The following DPP10 variants were observed in gnomAD, a reference collection of about 807,000 sequenced individuals.
DPP10 encodes the protein inactive dipeptidyl peptidase 10.
DPP10 carries 33 observed loss-of-function variants against 120.9 expected under a neutral mutation model. The ratio of observed to expected loss-of-function variants is 0.27; its 90% CI spans 0.21 to 0.37. The LOEUF is 0.37. Among genes scored for constraint, DPP10 ranks in the 10% least tolerant of loss-of-function variants. The pLI is 1.00. For synonymous variants in DPP10, 337 were observed against 326.1 expected, an observed-to-expected ratio of 1.03 and a Z score of -0.36; for missense variants, 816 against 942.8, an observed-to-expected ratio of 0.87 and a Z score of 1.76.
chr2:115,366,661 G>A (rs544110056), intron 3 of DPP10, among the ~76,000 whole-genome samples: 1 of 152,022 alleles, frequency 6.6e-6, no homozygotes, highest in Non-Finnish European at 1.5e-5. Flanking sequence ...TTGAAGGAAG[G>A]TCTGTCTATC....
chr2:114,844,516 A>G (rs928651407), intron 1 of DPP10, among the ~76,000 whole-genome samples: 1 of 151,862 alleles, frequency 6.6e-6, no homozygotes, highest in Non-Finnish European at 1.5e-5. Flanking sequence ...ATTTGTATAT[A>G]TTTGCATAAT....
intron 1 of DPP10, among the ~76,000 whole-genome samples, chr2:114,567,949 G>T (rs564654814): frequency 6.6e-6 from 1 of 150,538 alleles, no homozygotes; most frequent in African/African-American, 2.4e-5. Context: ...GATCGGTGCA[G>T]CAAACCACTA....
intron 3 of DPP10, among the ~76,000 whole-genome samples, chr2:115,459,160 A>ATT (rs749048365): frequency 2.8e-5 from 4 of 141,150 alleles, no homozygotes; most frequent in Non-Finnish European, 4.7e-5. Context: ...TGTGAGTTTG[A>ATT]TTTTTTTTTT....
chr2:114,516,803 T>C (rs1462412211), intron 1 of DPP10, among the ~76,000 whole-genome samples: 2 of 152,244 alleles, frequency 1.3e-5, no homozygotes, highest in African/African-American at 4.8e-5. Context: ...GACAATACAC[T>C]GTTGGGCTTT....
intron 5 of DPP10, among the ~76,000 whole-genome samples, chr2:115,661,035 C>T (rs551809038): frequency 2.2e-4 from 34 of 152,150 alleles, no homozygotes; most frequent in Admixed American, 1.7e-3. Flanking sequence ...ACTGCAAACT[C>T]TGCCTCCTGG....
chr2:114,631,203 C>T (rs893555553), intron 1 of DPP10, among the ~76,000 whole-genome samples: 4 of 152,080 alleles, frequency 2.6e-5, no homozygotes, highest in Admixed American at 6.6e-5. Context: ...TGAATGCCTA[C>T]GGCTGCTGAG....
Position 115,781,008 on chromosome 2 carries a change from A to G in DPP10, c.1483+13A>G. ...TTATTCTGTGAAGGTAAGATAATAC[A>G]TGAATTCTGATATAATATATTTTAT... On this transcript the variant is annotated intron_variant, in intron 16 of 25. Coordinates refer to ENST00000410059, the MANE Select transcript of DPP10 (RefSeq NM_020868.6). The G allele has an allele frequency of 6.4e-7, 1 of 1,554,684 alleles. No homozygotes were observed. Among genetic ancestry groups the G allele is most frequent in the South Asian group, 1.2e-5 (1 of 84,272 alleles).
intron 1 of DPP10, among the ~76,000 whole-genome samples, chr2:114,681,384 A>G (rs189741282): frequency 2.0e-5 from 3 of 151,980 alleles, no homozygotes; most frequent in African/African-American, 7.2e-5. Flanking sequence ...TCTTGTGAAC[A>G]TGATAAAGTT....
intron 1 of DPP10, among the ~76,000 whole-genome samples, chr2:114,682,883 C>G (rs13425488): frequency 0.13 from 19,667 of 151,718 alleles, 1,684 homozygotes; most frequent in African/African-American, 0.24. Flanking sequence ...GGAGTGCTGA[C>G]GTGCTGAGAG....
At chr2:115,132,524 A>T (rs1448116626) in intron 1 of DPP10, among the ~76,000 whole-genome samples, 2 of 152,038 alleles carry the variant, frequency 1.3e-5, no homozygotes, top group Non-Finnish European at 2.9e-5. Context: ...CTGTCATGTG[A>T]TGTTATACTA....
chr2:115,346,975 A>G (rs1209683170), intron 3 of DPP10, among the ~76,000 whole-genome samples: 2 of 152,160 alleles, frequency 1.3e-5, no homozygotes, highest in Non-Finnish European at 2.9e-5. Flanking sequence ...TCTCATTTTA[A>G]CAGACCTCAT....
At chr2:114,750,823 A>AT (rs1679149426) in intron 1 of DPP10, among the ~76,000 whole-genome samples, 1 of 152,210 alleles carries the variant, frequency 6.6e-6, no homozygotes, top group Non-Finnish European at 1.5e-5. Context: ...CTCACAAAGC[A>AT]TTTTATCCCC....
chr2:115,188,653 C>T (rs2054642897), intron 1 of DPP10, among the ~76,000 whole-genome samples: 1 of 152,102 alleles, frequency 6.6e-6, no homozygotes, highest in Admixed American at 6.6e-5. Flanking sequence ...CATTTATCAC[C>T]TTGAGATTGG....
intron 1 of DPP10, among the ~76,000 whole-genome samples, chr2:114,743,782 T>G (rs532584191): frequency 6.6e-6 from 1 of 152,240 alleles, no homozygotes; most frequent in Admixed American, 6.5e-5. Flanking sequence ...AGAAGTTTCA[T>G]AGAGCCACAT....
intron 1 of DPP10, among the ~76,000 whole-genome samples, chr2:114,909,787 T>G (rs192146069): frequency 1.3e-5 from 2 of 152,126 alleles, no homozygotes; most frequent in African/African-American, 2.4e-5. Context: ...CAAACACAAA[T>G]CTTCTTTATA....
intron 1 of DPP10, among the ~76,000 whole-genome samples, chr2:115,052,877 GGGAGGC>G (rs1559038282): frequency 6.6e-6 from 1 of 151,704 alleles, no homozygotes; most frequent in African/African-American, 2.4e-5. Context: ...ACTTGAACCT[GGGAGGC>G]GGAGGTTGCA....
Position 114,951,832 on chromosome 2 carries a change from G to A in DPP10, c.61-357407G>A, listed in dbSNP as rs72832492. 5.2e-3 allele frequency among the ~76,000 whole-genome samples: 786 copies of A among 151,842 alleles called. 2 individuals carry two copies. Among genetic ancestry groups the A allele is most frequent in the Non-Finnish European group, 8.1e-3 (552 of 67,880 alleles). ...CCTCTACCTATTCTGTCTACCTATT[G>A]ACAACAAAAAGCATATCTGGTTAAT... On this transcript the variant is annotated intron_variant, in intron 1 of 25. Coordinates refer to ENST00000410059, the MANE Select transcript of DPP10 (RefSeq NM_020868.6).
At chr2:114,657,035 C>T (rs1323215922) in intron 1 of DPP10, among the ~76,000 whole-genome samples, 5 of 151,984 alleles carry the variant, frequency 3.3e-5, no homozygotes, top group Non-Finnish European at 7.4e-5. Context: ...TAAATCTGGG[C>T]CTGTCAGGGA....
rs578200758 is a variant in DPP10 at position 115,198,691 on chromosome 2, C to T, written c.61-110548C>T. On this transcript the variant is annotated intron_variant, in intron 1 of 25. Transcript: ENST00000410059. Reference sequence around the variant, plus strand: ...ATTCTCTTCATTGTTTGTGTCTTCTCTCTGCTCATCCCCCCAGCCCCACCC... The same window carrying T: ...ATTCTCTTCATTGTTTGTGTCTTCTTTCTGCTCATCCCCCCAGCCCCACCC... 2.6e-5 allele frequency among the ~76,000 whole-genome samples: 4 copies of T among 152,246 alleles called. No individual in the cohort carries two copies. In the East Asian group the frequency reaches 5.8e-4, roughly 22 times the overall value.
Sources: allele counts gnomAD v4.1 joint callset (sites outside exome capture counted in the v4.1 genomes callset), GRCh38; gene constraint gnomAD v4.1.1; transcripts MANE v1.5; gene names NCBI Gene and HGNC (gene_info 2026-07-23, HGNC 2026-07-21).